The following FAM91A1 variants were observed in gnomAD, a reference collection of about 807,000 sequenced individuals.
FAM91A1 encodes protein FAM91A1.
FAM91A1 carries 41 observed loss-of-function variants against 113.5 expected under a neutral mutation model. The observed-to-expected ratio is 0.36, with a 90% CI of 0.28 to 0.47. The LOEUF is 0.47. Among genes scored for constraint, FAM91A1 ranks in the 20% least tolerant of loss-of-function variants. The pLI, the probability that FAM91A1 is intolerant of heterozygous loss-of-function variation, is 1.00. For synonymous variants in FAM91A1, 307 were observed against 347.9 expected (o/e 0.88, Z 1.31); for missense variants, 696 against 1,001.2 (o/e 0.70, Z 4.11).
At chr8:123,788,146 C>T in intron 14 of FAM91A1, 1 of 951,102 alleles carries the variant, frequency 1.1e-6, no homozygotes, top group Non-Finnish European at 1.3e-6. Flanking sequence ...TACCTTGAAT[C>T]TGGAACAATA....
chr8:123,805,812 T>G (rs1443098961), intron 19 of FAM91A1, among the ~76,000 whole-genome samples: 1 of 152,216 alleles, frequency 6.6e-6, no homozygotes, highest in East Asian at 1.9e-4. Context: ...TCTTTATATT[T>G]GAATATAGAG....
chr8:123,784,996 AT>A, intron 9 of FAM91A1, 84 bp from the exon 10 acceptor site: 1 of 1,002,802 alleles, frequency 1.0e-6, no homozygotes, highest in Non-Finnish European at 1.4e-6. Context: ...AATTTTGCTG[AT>A]TATGATTATA....
chr8:123,768,696 C>T lies in FAM91A1; in HGVS notation c.-7C>T. 6.3e-7 allele frequency: 1 copy of T among 1,594,486 alleles called. No individual in the cohort carries two copies. ...CGGCCCCGGCCGCCGGCCCTGGCCG[C>T]GGCATCATGAACATAGACGTGGAGT... On this transcript the variant is annotated 5_prime_UTR_variant, in exon 1 of 24. Coordinates refer to ENST00000334705, the MANE Select transcript of FAM91A1 (RefSeq NM_144963.4).
intron 3 of FAM91A1, among the ~76,000 whole-genome samples, chr8:123,776,759 T>G (rs1814992753): frequency 6.6e-6 from 1 of 152,244 alleles, no homozygotes; most frequent in Non-Finnish European, 1.5e-5. Context: ...AGCAGTGGGT[T>G]TGTTATTGGA....
At chr8:123,807,734 G>A (rs189358049) in intron 20 of FAM91A1, among the ~76,000 whole-genome samples, 2 of 152,250 alleles carry the variant, frequency 1.3e-5, no homozygotes, top group African/African-American at 4.8e-5. Context: ...AGGGGAATTA[G>A]AAAACAGTAG....
rs73337426 is a variant in FAM91A1, at chr8:123,799,044, G to A, written c.1561-476G>A. On this transcript the variant is annotated intron_variant, in intron 16 of 23. Transcript: ENST00000334705. The stretch of plus-strand genomic sequence containing the variant: ...GAATCCATGAACTACTGCATAAATG[G>A]TAAAATGGATGGAAGGGTGGGCGAT... Among the ~76,000 whole-genome samples the A allele has an allele frequency of 5.0e-3, 763 of 152,232 alleles. 6 individuals are homozygous for A. Among genetic ancestry groups the A allele is most frequent in the African/African-American group, 0.018 (734 of 41,530 alleles).
chr8:123,806,304 A>C, intron 20 of FAM91A1, 75 bp downstream of exon 20: 1 of 1,437,846 alleles, frequency 7.0e-7, no homozygotes, highest in South Asian at 1.5e-5. Context: ...TATGAAAAGC[A>C]GCAGACCTTT....
At chr8:123,783,377 A>G (rs1047013435) in intron 8 of FAM91A1, among the ~76,000 whole-genome samples, 2 of 151,476 alleles carry the variant, frequency 1.3e-5, no homozygotes, top group East Asian at 1.9e-4. Context: ...CAAAGACGGG[A>G]TTTCTAAAAT....
rs751702756 is a variant in FAM91A1, at chr8:123,775,134, C to G, written c.158-13C>G. The G allele has an allele frequency of 4.5e-6, 7 of 1,555,050 alleles. No individual in the cohort carries two copies. Among genetic ancestry groups the G allele is most frequent in the Non-Finnish European group, 6.1e-6 (7 of 1,149,794 alleles). Reference sequence around the variant, plus strand: ...ACCTGAAAAAAACTGGAGAATTTCCCTCTTTTGTGCAGTTAAACATGTCAA... The same window carrying G: ...ACCTGAAAAAAACTGGAGAATTTCCGTCTTTTGTGCAGTTAAACATGTCAA... On this transcript the variant is annotated splice_polypyrimidine_tract_variant and intron_variant, in intron 2 of 23. Transcript: ENST00000334705.
At chr8:123,794,446 A>G (rs920466341) in intron 15 of FAM91A1, among the ~76,000 whole-genome samples, 1 of 152,248 alleles carries the variant, frequency 6.6e-6, no homozygotes, top group South Asian at 2.1e-4. Flanking sequence ...TGCAGTTGAG[A>G]GAAATGTAAA....
chr8:123,808,129 C>T (rs1023794646), intron 20 of FAM91A1, 143 bp from the exon 21 acceptor site: 6 of 636,114 alleles, frequency 9.4e-6, no homozygotes, highest in Non-Finnish European at 1.6e-5. Flanking sequence ...CTGTTTAAAA[C>T]CACTTATTTA....
At chr8:123,775,088 G>T in intron 2 of FAM91A1, 59 bp from the exon 3 acceptor site, 7 of 1,452,352 alleles carry the variant, frequency 4.8e-6, no homozygotes, top group South Asian at 1.5e-5. Flanking sequence ...AGTGTTCATA[G>T]TTAATATATA....
chr8:123,799,407 G>T, intron 16 of FAM91A1, 113 bp from the exon 17 acceptor site: 1 of 876,074 alleles, frequency 1.1e-6, no homozygotes, highest in Non-Finnish European at 1.7e-6. Flanking sequence ...TTATTTTCTT[G>T]AGGATAGTTG....
chr8:123,779,288 A>C (rs954595532), intron 6 of FAM91A1, among the ~76,000 whole-genome samples: 12 of 152,112 alleles, frequency 7.9e-5, no homozygotes, highest in Admixed American at 2.0e-4. Context: ...TGAAACTTGT[A>C]CTCTTAATCA....
Position 123,810,137 on chromosome 8 carries a change from GAAACACTGAAAT to G in FAM91A1, c.2262-144_2262-133del, listed in dbSNP as rs938711735. The G allele has an allele frequency of 3.6e-5, 26 of 716,238 alleles. No homozygotes were observed. In the African/African-American group the frequency reaches 4.6e-4, roughly 13 times the overall value. The allele number at this position is 716,238 out of a possible 1,614,324, so 44.4% of individuals were successfully genotyped here. ...AAACAAGCAAAAATTTCATTGATGA[GAAACACTGAAAT>G]TGTTTTTTAAGATGTTTTGTGATTG... On this transcript the variant is annotated intron_variant, in intron 22 of 23. Transcript: ENST00000334705.
At chr8:123,788,038 A>G (rs1298597165) in intron 14 of FAM91A1, among the ~76,000 whole-genome samples, 1 of 152,190 alleles carries the variant, frequency 6.6e-6, no homozygotes, top group African/African-American at 2.4e-5. Context: ...GTAATGTTTT[A>G]AGTTGAATTT....
At chr8:123,780,325 A>G (rs572589075) in intron 7 of FAM91A1, among the ~76,000 whole-genome samples, 155 bp from the exon 8 acceptor site, 20 of 152,340 alleles carry the variant, frequency 1.3e-4, no homozygotes, top group Admixed American at 4.6e-4. Flanking sequence ...CCGAGATTTA[A>G]AAACTTTAAT....
intron 18 of FAM91A1, among the ~76,000 whole-genome samples, chr8:123,801,143 G>T (rs1320056225): frequency 6.6e-6 from 1 of 152,094 alleles, no homozygotes; most frequent in Non-Finnish European, 1.5e-5. Flanking sequence ...ACATTCTCAC[G>T]GGCACTTGAT....
intron 6 of FAM91A1, 56 bp from the exon 7 acceptor site, chr8:123,779,929 C>A: frequency 7.0e-7 from 1 of 1,432,944 alleles, no homozygotes; most frequent in Non-Finnish European, 9.7e-7. Context: ...TTTCAGGAGA[C>A]TTGTGAATTA....
Sources: gnomAD v4.1 joint callset for allele counts (sites outside exome capture counted in the v4.1 genomes callset) on GRCh38, gnomAD v4.1.1 for gene constraint, MANE v1.5 for transcripts, NCBI Gene and HGNC (gene_info 2026-07-23, HGNC 2026-07-21) for gene names.